Variants in SLC39A8 observed in about 807,000 individuals in gnomAD.
The protein encoded by SLC39A8 is solute carrier family 39 member 8, also known as metal cation symporter ZIP8.
In SLC39A8, 15 loss-of-function variants were observed where a neutral mutation model predicts 40.4. That is an observed-to-expected ratio of 0.37 (90% CI 0.25 to 0.57). SLC39A8 has a LOEUF of 0.57. Ranked by LOEUF, SLC39A8 falls within the 20% of genes least tolerant of loss-of-function variation. SLC39A8 has a pLI of 0.75. For missense variants in SLC39A8, 472 were observed against 558.8 expected, an observed-to-expected ratio of 0.84 and a Z score of 1.57; for synonymous variants, 223 against 221.6, an observed-to-expected ratio of 1.01 and a Z score of -0.06.
chr4:102,265,721 T>C (rs777387651), intron 8 of SLC39A8, among the ~76,000 whole-genome samples: 18 of 152,368 alleles, frequency 1.2e-4, no homozygotes, highest in Non-Finnish European at 2.1e-4. Context: ...GATAGCTTAA[T>C]AGGAATATCT....
At chr4:102,279,017 G>A (rs954127807) in intron 6 of SLC39A8, among the ~76,000 whole-genome samples, 2 of 151,868 alleles carry the variant, frequency 1.3e-5, no homozygotes, top group Non-Finnish European at 2.9e-5. Context: ...GCAAGGGGAG[G>A]GATAGCATTA....
chr4:102,288,277 T>C (rs1217395950), intron 6 of SLC39A8, among the ~76,000 whole-genome samples: 1 of 152,144 alleles, frequency 6.6e-6, no homozygotes, highest in Non-Finnish European at 1.5e-5. Flanking sequence ...ATGTTACTAT[T>C]GTCATTGTTT....
intron 6 of SLC39A8, among the ~76,000 whole-genome samples, chr4:102,289,401 G>A (rs1204004573): frequency 1.3e-5 from 2 of 152,124 alleles, no homozygotes; most frequent in Admixed American, 6.6e-5. Flanking sequence ...TTTCATGCCT[G>A]CCAACATAAC....
chr4:102,259,381 G>A (rs1338386426), downstream of SLC39A8: 5 of 1,046,336 alleles, frequency 4.8e-6, no homozygotes, highest in Non-Finnish European at 5.7e-6. Context: ...AGTCACTGCA[G>A]AAGGAATTAA....
In SLC39A8 at chr4:102,305,045, A is replaced by G. The variant is rs373071024; in HGVS notation, c.619T>C (p.Tyr207His). The change falls in exon 5 of 9, where the codon TAC (tyrosine) becomes CAC (histidine). Residue 207 changes from tyrosine to histidine, a missense_variant. Coordinates refer to ENST00000356736, the MANE Select transcript of SLC39A8 (RefSeq NM_001135146.2). Reference protein sequence around the residue: ...EKAVAVFGGFYLLFFFERMLK... With the variant: ...EKAVAVFGGFHLLFFFERMLK... Reference sequence around the variant, plus strand: ...ATTCTTTCAAAAAAGAAAAGTAGGTAAAATCCACCAAACACAGCAACTGCC... The same window carrying G: ...ATTCTTTCAAAAAAGAAAAGTAGGTGAAATCCACCAAACACAGCAACTGCC... The G allele has an allele frequency of 1.9e-6, 3 of 1,610,364 alleles. No individual in the cohort carries two copies. The highest frequency in any genetic ancestry group is 2.5e-6 in the Non-Finnish European group (3 of 1,177,616).
At chr4:102,255,307 TA>T (rs1437851743) in intron 11 of SLC39A8, among the ~76,000 whole-genome samples, 39 of 152,296 alleles carry the variant, frequency 2.6e-4, no homozygotes, top group Admixed American at 4.6e-4. Flanking sequence ...CATACTGAGA[TA>T]CTAGAATAAC....
chr4:102,322,889 G>T (rs980800496), intron 2 of SLC39A8, among the ~76,000 whole-genome samples: 2 of 152,162 alleles, frequency 1.3e-5, no homozygotes, highest in African/African-American at 4.8e-5. Flanking sequence ...AAGCCCCAGA[G>T]GGAGCAAGCA....
At position 102,255,089 on chromosome 4, in the gene SLC39A8, A is replaced by G. The variant is rs17032317; in HGVS notation, c.*299-1659T>C. On this transcript the variant is annotated intron_variant and NMD_transcript_variant, in intron 11 of 11. Coordinates refer to the SLC39A8 transcript ENST00000424970. ...GATTTTTGCTCACCACTACTGGAAC[A>G]TAATAGAGATTTTACTATACTCTGC... 9.0e-3 allele frequency among the ~76,000 whole-genome samples: 1,373 copies of G among 152,344 alleles called. 16 individuals carry two copies. Among genetic ancestry groups the G allele is most frequent in the African/African-American group, 0.031 (1,297 of 41,576 alleles).
At chr4:102,339,521 A>G (rs955522748) in intron 2 of SLC39A8, among the ~76,000 whole-genome samples, 5 of 152,158 alleles carry the variant, frequency 3.3e-5, no homozygotes, top group African/African-American at 1.2e-4. Context: ...TAGCCTGGCC[A>G]TCCATTAATA....
intron 6 of SLC39A8, among the ~76,000 whole-genome samples, chr4:102,271,460 G>A (rs1238346032): frequency 6.6e-6 from 1 of 152,144 alleles, no homozygotes; most frequent in African/African-American, 2.4e-5. Context: ...TGGTGCAGAG[G>A]GAGGATATAT....
downstream of SLC39A8, among the ~76,000 whole-genome samples, chr4:102,259,978 T>C (rs995515610): frequency 1.3e-5 from 2 of 152,134 alleles, no homozygotes; most frequent in Non-Finnish European, 2.9e-5. Context: ...GTGAAAAACA[T>C]AGGATTTCTT....
At chr4:102,302,528 T>G (rs1733964589) in intron 6 of SLC39A8, among the ~76,000 whole-genome samples, 2 of 152,118 alleles carry the variant, frequency 1.3e-5, no homozygotes, top group African/African-American at 4.8e-5. Flanking sequence ...GTCAAATTAT[T>G]TTTCCCCACT....
chr4:102,337,875 A>G (rs984136452), intron 2 of SLC39A8, among the ~76,000 whole-genome samples: 1 of 152,254 alleles, frequency 6.6e-6, no homozygotes, highest in African/African-American at 2.4e-5. Flanking sequence ...AAACAATAAA[A>G]GAAAATTTCA....
chr4:102,320,435 T>A (rs1307558331), intron 2 of SLC39A8, among the ~76,000 whole-genome samples: 3 of 76,072 alleles, frequency 3.9e-5, no homozygotes, highest in African/African-American at 9.5e-5. Flanking sequence ...TATATATATA[T>A]GAGAATATAT....
rs377261300 is a variant in SLC39A8 at position 102,304,995 on chromosome 4, A to G, written c.669T>C (p.Tyr223=). ...ERMLKMLLKT[Y]GQNGHTHFGN... Reference sequence around the variant, plus strand: ...TTAAATAAAGTCCATTTACCTGACCATATGTCTTTAATAACATCTTTAGCA... The same window carrying G: ...TTAAATAAAGTCCATTTACCTGACCGTATGTCTTTAATAACATCTTTAGCA... Residue 223 remains tyrosine, a synonymous_variant, in exon 5 of 9, where the codon TAT becomes TAC. Coordinates refer to ENST00000356736, the MANE Select transcript of SLC39A8 (RefSeq NM_001135146.2). The G allele has an allele frequency of 8.7e-6, 14 of 1,603,452 alleles. No individual in the cohort carries two copies. The highest frequency in any genetic ancestry group is 5.1e-5 in the Admixed American group (3 of 59,244).
At chr4:102,305,445 G>A (rs1478973400) in intron 4 of SLC39A8, among the ~76,000 whole-genome samples, 1 of 151,900 alleles carries the variant, frequency 6.6e-6, no homozygotes, top group Non-Finnish European at 1.5e-5. Flanking sequence ...CTCATCTTTA[G>A]AATACGATAT....
chr4:102,274,469 C>A (rs142062734), intron 6 of SLC39A8, among the ~76,000 whole-genome samples: 1 of 152,170 alleles, frequency 6.6e-6, no homozygotes, highest in Non-Finnish European at 1.5e-5. Context: ...ACCAAACCTA[C>A]GTTTGATTGG....
In SLC39A8 at chr4:102,341,625, C is replaced by T. The variant is rs7664402; in HGVS notation, c.219+2819G>A. Among the ~76,000 whole-genome samples, 611 of 152,322 alleles carry T rather than the reference C, an allele frequency of 4.0e-3. 4 individuals are homozygous for T. The highest frequency in any genetic ancestry group is 0.014 in the African/African-American group (573 of 41,572). On this transcript the variant is annotated intron_variant, in intron 2 of 8. Coordinates refer to ENST00000356736, the MANE Select transcript of SLC39A8 (RefSeq NM_001135146.2). ...TGGTCACTGCTTCTACCTAACTCTT[C>T]GCACTGTCAGTAGCTATAAGAAGCA...
chr4:102,342,599 C>T (rs1465869253), intron 2 of SLC39A8, among the ~76,000 whole-genome samples: 1 of 152,168 alleles, frequency 6.6e-6, no homozygotes, highest in Non-Finnish European at 1.5e-5. Flanking sequence ...GGGCTTCTTC[C>T]TGTCTCTTTT....
Sources: gnomAD v4.1 joint callset for allele counts (sites outside exome capture counted in the v4.1 genomes callset) on GRCh38, gnomAD v4.1.1 for gene constraint, MANE v1.5 for transcripts, NCBI Gene and HGNC (gene_info 2026-07-23, HGNC 2026-07-21) for gene names.